FGF12: variants seen among roughly 807,000 people sequenced by gnomAD.
FGF12 encodes the protein fibroblast growth factor 12, also known as fibroblast growth factor 12B.
Under a neutral mutation model 23.6 loss-of-function variants are expected in FGF12, and 14 were observed. That is an observed-to-expected ratio of 0.59 (90% CI 0.39 to 0.93). FGF12 has a LOEUF of 0.93. Ranked by LOEUF, FGF12 falls within the 40% of genes least tolerant of loss-of-function variation. FGF12 has a pLI of 0.00. For synonymous variants in FGF12, 62 were observed against 77.3 expected, an observed-to-expected ratio of 0.80 and a Z score of 1.04; for missense variants, 175 against 217.8, an observed-to-expected ratio of 0.80 and a Z score of 1.24.
chr3:192,561,575 G>A (rs1310975813), intron 2 of FGF12, among the ~76,000 whole-genome samples: 4 of 152,066 alleles, frequency 2.6e-5, no homozygotes, highest in East Asian at 1.9e-4. Context: ...TGTTAGCCAG[G>A]ATAGTCTCGA....
intron 4 of FGF12, among the ~76,000 whole-genome samples, chr3:192,323,942 A>G (rs925874128): frequency 6.6e-6 from 1 of 151,906 alleles, no homozygotes; most frequent in African/African-American, 2.4e-5. Context: ...ATACAAAAAA[A>G]TTGGCTGGGT....
chr3:192,646,528 T>C (rs3856638), intron 2 of FGF12, among the ~76,000 whole-genome samples: 117,068 of 151,782 alleles, frequency 0.77, 45,702 homozygotes, highest in African/African-American at 0.88. Flanking sequence ...GAATACTGTT[T>C]AGGTATGCAA....
intron 4 of FGF12, among the ~76,000 whole-genome samples, chr3:192,327,367 A>G (rs1287988020): frequency 6.6e-6 from 1 of 152,066 alleles, no homozygotes; most frequent in Non-Finnish European, 1.5e-5. Flanking sequence ...CGTCTTTATC[A>G]CTATTTCAGC....
chr3:192,221,416 T>G (rs1198806555), intron 4 of FGF12, among the ~76,000 whole-genome samples: 3 of 152,198 alleles, frequency 2.0e-5, no homozygotes, highest in Non-Finnish European at 2.9e-5. Flanking sequence ...TAGAATTTAA[T>G]AAGGCCTTAC....
intron 2 of FGF12, among the ~76,000 whole-genome samples, chr3:192,395,905 A>G (rs1645143713): frequency 6.6e-6 from 1 of 152,242 alleles, no homozygotes; most frequent in Non-Finnish European, 1.5e-5. Context: ...AAATAAAAAC[A>G]TCTATAAACT....
intron 4 of FGF12, among the ~76,000 whole-genome samples, chr3:192,179,417 T>C (rs1033959684): frequency 1.3e-5 from 2 of 152,172 alleles, no homozygotes; most frequent in African/African-American, 4.8e-5. Context: ...AAATGTAATG[T>C]TGGAGGTAGA....
chr3:192,276,654 C>A (rs557263496), intron 4 of FGF12, among the ~76,000 whole-genome samples: 1 of 152,194 alleles, frequency 6.6e-6, no homozygotes, highest in South Asian at 2.1e-4. Context: ...GAAACTAGAC[C>A]CCTTCTTTCC....
chr3:192,667,486 T>C lies in FGF12; in HGVS notation c.13+59695A>G, dbSNP rs1437986358. ...TTAGCCAGGCTTGGTGGCGTGTACC[T>C]GTAGTCTCAGCTACCCGGAAGGCTG... On this transcript the variant is annotated intron_variant, in intron 2 of 5. Coordinates refer to ENST00000445105, the MANE Select transcript of FGF12 (RefSeq NM_004113.6). Among the ~76,000 whole-genome samples, 8 of 151,618 alleles carry C rather than the reference T, an allele frequency of 5.3e-5. 1 individual carries two copies. The highest frequency in any genetic ancestry group is 5.3e-4 in the Admixed American group (8 of 15,206).
In FGF12 at chr3:192,181,139, TGAGAGCTGAATG is replaced by T. The variant is rs1716146368; in HGVS notation, c.229-10495_229-10484del. On this transcript the variant is annotated intron_variant, in intron 4 of 5. Transcript: ENST00000445105. The stretch of plus-strand genomic sequence containing the variant: ...CAGCATAGAATGGCTGCTCCAGGAT[TGAGAGCTGAATG>T]GAGATGGCTGTGGCTGTGTAGGGCT... 1.3e-5 allele frequency among the ~76,000 whole-genome samples: 2 copies of T among 152,052 alleles called. 1 individual carries two copies. The highest frequency in any genetic ancestry group is 4.1e-4 in the South Asian group (2 of 4,826).
chr3:192,564,068 G>C (rs894405665), intron 2 of FGF12, among the ~76,000 whole-genome samples: 4 of 151,420 alleles, frequency 2.6e-5, no homozygotes, highest in Non-Finnish European at 5.9e-5. Flanking sequence ...GTTTTTGTTT[G>C]TTTGTTTGTT....
At chr3:192,568,232 C>A (rs1467641188) in intron 2 of FGF12, among the ~76,000 whole-genome samples, 1 of 152,136 alleles carries the variant, frequency 6.6e-6, no homozygotes, top group South Asian at 2.1e-4. Flanking sequence ...GCAAAGATCC[C>A]TTTTCCAAAT....
intron 2 of FGF12, among the ~76,000 whole-genome samples, chr3:192,663,576 T>C (rs1716748563): frequency 6.6e-6 from 1 of 152,186 alleles, no homozygotes; most frequent in South Asian, 2.1e-4. Flanking sequence ...GGGGTAGCTT[T>C]GCATCAGTTT....
chr3:192,723,956 G>T (rs568026625), intron 2 of FGF12, among the ~76,000 whole-genome samples: 12 of 118,698 alleles, frequency 1.0e-4, no homozygotes, highest in Middle Eastern at 4.2e-3. Flanking sequence ...GGGGAGGGGA[G>T]GAGAGGAAGG....
chr3:192,388,810 CAT>C (rs1156459041), intron 2 of FGF12, among the ~76,000 whole-genome samples: 12 of 151,500 alleles, frequency 7.9e-5, no homozygotes, highest in Non-Finnish European at 2.9e-5. Flanking sequence ...TATTTTAAAA[CAT>C]ATTCAATTTT....
intron 4 of FGF12, among the ~76,000 whole-genome samples, chr3:192,221,532 A>G (rs995214892): frequency 6.6e-6 from 1 of 152,170 alleles, no homozygotes; most frequent in Admixed American, 6.5e-5. Context: ...TGCTGGAGGG[A>G]GGAAGAGATA....
chr3:192,560,655 G>C (rs1403167378), intron 2 of FGF12, among the ~76,000 whole-genome samples: 1 of 151,970 alleles, frequency 6.6e-6, no homozygotes, highest in African/African-American at 2.4e-5. Flanking sequence ...AATTCTGCCT[G>C]GTAAATAAAT....
intron 5 of FGF12, among the ~76,000 whole-genome samples, chr3:192,160,534 C>T (rs896595961): frequency 2.0e-5 from 3 of 152,194 alleles, no homozygotes; most frequent in African/African-American, 7.2e-5. Flanking sequence ...TTACCTTCAT[C>T]ATCCTTTTTA....
intron 2 of FGF12, among the ~76,000 whole-genome samples, chr3:192,401,991 C>A (rs1488865796): frequency 2.0e-5 from 3 of 152,202 alleles, no homozygotes; most frequent in African/African-American, 7.2e-5. Flanking sequence ...TACAAATCAG[C>A]AAACTGAGGT....
chr3:192,702,548 T>A lies in FGF12; in HGVS notation c.13+24633A>T, dbSNP rs150953466. Among the ~76,000 whole-genome samples, 77 of 152,212 alleles carry A rather than the reference T, an allele frequency of 5.1e-4. No homozygotes were observed. The East Asian group carries it at 0.014, about 28-fold the overall frequency. ...TGGATCACGCCTGTAATCCCAGCAT[T>A]TTGGGAGAATGAGGGAGGTAGATTG... is the stretch of plus-strand genomic sequence containing the variant. On this transcript the variant is annotated intron_variant, in intron 2 of 5. Transcript: ENST00000445105.
Sources: allele counts gnomAD v4.1 joint callset (sites outside exome capture counted in the v4.1 genomes callset), GRCh38; gene constraint gnomAD v4.1.1; transcripts MANE v1.5; gene names NCBI Gene and HGNC (gene_info 2026-07-23, HGNC 2026-07-21).